The following STAU2 variants were observed in gnomAD, a reference collection of about 807,000 sequenced individuals.
STAU2 encodes the protein staufen double-stranded RNA binding protein 2.
A neutral mutation model predicts 65.9 loss-of-function variants in STAU2; 20 were observed. The observed-to-expected ratio is 0.30, with a 90% confidence interval of 0.21 to 0.44. The LOEUF (loss-of-function observed/expected upper bound fraction) is 0.44, where lower values mean the gene tolerates loss of function less well. STAU2 is among the 20% of genes least tolerant of loss of function. The pLI is 1.00. For missense variants in STAU2, 558 were observed against 683.9 expected (o/e 0.82, Z 2.05); for synonymous variants, 232 against 233.9 (o/e 0.99, Z 0.07).
chr8:73,613,728 A>T lies in STAU2; in HGVS notation c.891+16T>A. Reference sequence around the variant, plus strand: ...TATTTAGTAAAACTGACTGATGTTCACAAATATAAACTTACCTTTACTATT... The same window carrying T: ...TATTTAGTAAAACTGACTGATGTTCTCAAATATAAACTTACCTTTACTATT... On this transcript the variant is annotated intron_variant, in intron 9 of 14. Transcript: ENST00000524300. The T allele has an allele frequency of 6.3e-7, 1 of 1,577,566 alleles. No individual in the cohort carries two copies. The highest frequency in any genetic ancestry group is 8.6e-7 in the Non-Finnish European group (1 of 1,162,108).
chr8:73,738,183 G>C, intron 3 of STAU2, 101 bp downstream of exon 3: 2 of 1,050,684 alleles, frequency 1.9e-6, no homozygotes, highest in Non-Finnish European at 1.5e-6. Flanking sequence ...AAAGTGATGA[G>C]TCAGGTTACA....
At chr8:73,725,661 G>A (rs1429073539) in intron 3 of STAU2, among the ~76,000 whole-genome samples, 1 of 152,216 alleles carries the variant, frequency 6.6e-6, no homozygotes, top group East Asian at 1.9e-4. Context: ...ACTGAGCATA[G>A]TGGCTCATGC....
intron 12 of STAU2, among the ~76,000 whole-genome samples, chr8:73,561,915 C>T (rs1421975180): frequency 1.3e-5 from 2 of 152,198 alleles, no homozygotes; most frequent in Admixed American, 6.5e-5. Context: ...GGTGATATGA[C>T]TGGCTTAAAG....
At chr8:73,469,841 G>T (rs1003697785) in intron 13 of STAU2, among the ~76,000 whole-genome samples, 1 of 152,248 alleles carries the variant, frequency 6.6e-6, no homozygotes, top group Middle Eastern at 3.4e-3. Context: ...CAGGAAATAT[G>T]GGAAACCGCT....
intron 12 of STAU2, among the ~76,000 whole-genome samples, chr8:73,563,525 T>C (rs552537439): frequency 3.9e-5 from 6 of 152,310 alleles, no homozygotes; most frequent in African/African-American, 1.4e-4. Flanking sequence ...TTCTGTATCA[T>C]ATTTATATTA....
intron 1 of STAU2, among the ~76,000 whole-genome samples, chr8:73,745,910 A>T (rs1807237230): frequency 6.6e-6 from 1 of 151,918 alleles, no homozygotes; most frequent in Non-Finnish European, 1.5e-5. Context: ...CGTGCTTCTC[A>T]ATGGCCTCTG....
At chr8:73,699,860 CAAA>C (rs201419278) in intron 4 of STAU2, among the ~76,000 whole-genome samples, 2 of 88,872 alleles carry the variant, frequency 2.3e-5, no homozygotes, top group Non-Finnish European at 2.3e-5. Context: ...AAACACACAT[CAAA>C]AAAAAAAAAA....
chr8:73,735,410 G>A (rs901347088), intron 3 of STAU2, among the ~76,000 whole-genome samples: 1 of 152,090 alleles, frequency 6.6e-6, no homozygotes, highest in Non-Finnish European at 1.5e-5. Flanking sequence ...AGAAGGGGGG[G>A]TCTCTTAAAT....
chr8:73,687,466 AAAAT>A (rs1266015258), intron 5 of STAU2, among the ~76,000 whole-genome samples: 1 of 130,208 alleles, frequency 7.7e-6, no homozygotes, highest in Non-Finnish European at 1.6e-5. Context: ...TATATAAAAT[AAAAT>A]ATATATAATT....
At chr8:73,479,281 T>C (rs1208324180) in intron 13 of STAU2, among the ~76,000 whole-genome samples, 1 of 152,178 alleles carries the variant, frequency 6.6e-6, no homozygotes, top group Non-Finnish European at 1.5e-5. Flanking sequence ...TGTTTCTTCA[T>C]TTTTTAAATA....
At chr8:73,501,305 C>A (rs1236792345) in intron 13 of STAU2, among the ~76,000 whole-genome samples, 4 of 151,802 alleles carry the variant, frequency 2.6e-5, no homozygotes, top group Admixed American at 6.6e-5. Flanking sequence ...CAAAATTTAT[C>A]TTGAGTAACA....
At chr8:73,429,802 A>G (rs1314406888) in intron 13 of STAU2, among the ~76,000 whole-genome samples, 2 of 152,086 alleles carry the variant, frequency 1.3e-5, no homozygotes, top group Admixed American at 1.3e-4. Flanking sequence ...TTTAATATTA[A>G]TATTTCAAAA....
chr8:73,741,156 T>C lies in STAU2; in HGVS notation c.-196-1288A>G, dbSNP rs1214051662. Among the ~76,000 whole-genome samples, 6 of 149,696 alleles carry C rather than the reference T, an allele frequency of 4.0e-5. 1 individual carries two copies. The South Asian group carries it at 6.3e-4, about 16-fold the overall frequency. ...CCGCCTCTACTAAAAATACAAAATA[T>C]TAGCCGGGCGTGGTGGCGGGCGCCT... On this transcript the variant is annotated intron_variant, in intron 1 of 14. Coordinates refer to ENST00000524300, the MANE Select transcript of STAU2 (RefSeq NM_001164380.2).
intron 13 of STAU2, among the ~76,000 whole-genome samples, chr8:73,493,306 T>G (rs1460067588): frequency 6.6e-6 from 1 of 151,470 alleles, no homozygotes; most frequent in African/African-American, 2.4e-5. Context: ...ATTCTCCTCA[T>G]GAAAACACAT....
intron 12 of STAU2, among the ~76,000 whole-genome samples, chr8:73,568,285 T>C (rs1045742218): frequency 6.6e-6 from 1 of 152,232 alleles, no homozygotes; most frequent in African/African-American, 2.4e-5. Flanking sequence ...TACTTTAAAC[T>C]GACTCATGTT....
At chr8:73,502,354 T>A (rs1329625771) in intron 13 of STAU2, among the ~76,000 whole-genome samples, 1 of 151,968 alleles carries the variant, frequency 6.6e-6, no homozygotes, top group Non-Finnish European at 1.5e-5. Context: ...TTAGCCATAA[T>A]GCTTGCAAAT....
At chr8:73,650,319 AACC>A (rs1382181720) in intron 6 of STAU2, among the ~76,000 whole-genome samples, 13 of 152,156 alleles carry the variant, frequency 8.5e-5, no homozygotes, top group Admixed American at 2.0e-4. Flanking sequence ...AAATTTAATA[AACC>A]ACAACTATAA....
chr8:73,564,493 A>G (rs1393808423), intron 12 of STAU2, among the ~76,000 whole-genome samples: 2 of 152,040 alleles, frequency 1.3e-5, no homozygotes, highest in Non-Finnish European at 2.9e-5. Context: ...TCGAAGGGTG[A>G]AGGGTGGAGG....
intron 3 of STAU2, among the ~76,000 whole-genome samples, chr8:73,729,080 A>G (rs1311259809): frequency 6.6e-6 from 1 of 152,120 alleles, no homozygotes; most frequent in Admixed American, 6.5e-5. Flanking sequence ...AATGTTGAGG[A>G]AATGTTTAAA....
Sources: gnomAD v4.1 joint callset for allele counts (sites outside exome capture counted in the v4.1 genomes callset) on GRCh38, gnomAD v4.1.1 for gene constraint, MANE v1.5 for transcripts, NCBI Gene and HGNC (gene_info 2026-07-23, HGNC 2026-07-21) for gene names.